Variants in AAMDC observed in about 807,000 individuals in gnomAD.
The protein encoded by AAMDC is adipogenesis associated Mth938 domain containing.
A neutral mutation model predicts 15.5 loss-of-function variants in AAMDC; 16 were observed. The observed-to-expected ratio is 1.03, with a 90% CI of 0.70 to 1.57. AAMDC has a LOEUF of 1.57. Among genes scored for constraint, AAMDC ranks in the 40% most tolerant of loss-of-function variants. The pLI, the probability that AAMDC is intolerant of heterozygous loss-of-function variation, is 0.00. For missense variants in AAMDC, 141 were observed against 144.9 expected, an observed-to-expected ratio of 0.97 and a Z score of 0.14; for synonymous variants, 51 against 51.6, an observed-to-expected ratio of 0.99 and a Z score of 0.05.
intron 1 of AAMDC, among the ~76,000 whole-genome samples, chr11:77,830,303 T>C (rs1334366065): frequency 6.6e-6 from 1 of 152,182 alleles, no homozygotes; most frequent in African/African-American, 2.4e-5. Flanking sequence ...GCAAACTGTT[T>C]ATCATGAATG....
In AAMDC at chr11:77,869,702, C is replaced by G; in HGVS notation, c.133-20C>G. The G allele has an allele frequency of 6.2e-7, 1 of 1,611,478 alleles. No individual in the cohort carries two copies. Among genetic ancestry groups the G allele is most frequent in the Non-Finnish European group, 8.5e-7 (1 of 1,177,872 alleles). ...AAGATTGAGAGCAGGTACCTGTCTA[C>G]TTTCTCTTTCCACATCCAGCATTCT... On this transcript the variant is annotated intron_variant, in intron 2 of 3. Transcript: ENST00000393427.
rs1050514691 is a variant in AAMDC, at chr11:77,897,305, A to G, written c.329-3266A>G. On this transcript the variant is annotated intron_variant, in intron 5 of 5. Coordinates refer to the AAMDC transcript ENST00000304716. ...GTTCAGGAGTTCAAGACTGGCCTGG[A>G]CAACGCAGTGAAACCATGTTTCTAT... Among the ~76,000 whole-genome samples the G allele has an allele frequency of 1.5e-4, 23 of 151,976 alleles. 2 individuals carry two copies. Among genetic ancestry groups the G allele is most frequent in the African/African-American group, 5.6e-4 (23 of 41,338 alleles).
chr11:77,864,951 T>C (rs985206690), intron 2 of AAMDC, among the ~76,000 whole-genome samples: 1 of 152,120 alleles, frequency 6.6e-6, no homozygotes, highest in Non-Finnish European at 1.5e-5. Context: ...CCCTCCAGCC[T>C]CAGTGACAGA....
At chr11:77,893,536 G>A (rs537613437) in intron 5 of AAMDC, among the ~76,000 whole-genome samples, 10 of 152,290 alleles carry the variant, frequency 6.6e-5, no homozygotes, top group African/African-American at 2.4e-4. Context: ...TTTAGCCCAC[G>A]AGTTCAAGGG....
chr11:77,838,244 C>A (rs1343691092), intron 1 of AAMDC, among the ~76,000 whole-genome samples: 1 of 140,934 alleles, frequency 7.1e-6, no homozygotes, highest in Non-Finnish European at 1.6e-5. Context: ...TATGTGTCAA[C>A]GTGGTAAGGT....
rs372498481 is a variant in AAMDC at position 77,842,502 on chromosome 11, T to G, written c.6T>G (p.Thr2=). The change falls in exon 2 of 4, where the codon ACT becomes ACG. Residue 2 remains threonine, a synonymous_variant. Coordinates refer to ENST00000393427, the MANE Select transcript of AAMDC (RefSeq NM_024684.4). ...AGACTTCAGTGAAGTTCCTTATGAC[T>G]TCCCCTGAAATTGCTTCCTTATCAT... is the stretch of plus-strand genomic sequence containing the variant. M[T]SPEIASLSWG... The G allele has an allele frequency of 3.7e-6, 6 of 1,613,680 alleles. No homozygotes were observed. The African/African-American group carries it at 8.0e-5, about 22-fold the overall frequency.
At chr11:77,830,341 T>A (rs985054148) in intron 1 of AAMDC, among the ~76,000 whole-genome samples, 1 of 152,168 alleles carries the variant, frequency 6.6e-6, no homozygotes, top group Non-Finnish European at 1.5e-5. Context: ...GATACTGCCC[T>A]GCCACCAAAA....
chr11:77,891,952 G>A (rs1952289055), intron 5 of AAMDC: 15 of 1,548,514 alleles, frequency 9.7e-6, no homozygotes, highest in Non-Finnish European at 1.2e-5. Context: ...GAAGTGAGAG[G>A]AGCTTGCAGT....
chr11:77,869,914 A>G, intron 3 of AAMDC, 97 bp downstream of exon 3: 3 of 1,150,732 alleles, frequency 2.6e-6, no homozygotes, highest in South Asian at 1.3e-5. Flanking sequence ...ATCTTTATAT[A>G]TCATGTACCC....
At chr11:77,846,916 T>C in intron 2 of AAMDC, among the ~76,000 whole-genome samples, 1 of 152,208 alleles carries the variant, frequency 6.6e-6, no homozygotes, top group East Asian at 1.9e-4. Context: ...GGAAGATTCA[T>C]ATTTGCTTCT....
At chr11:77,897,845 G>C (rs1252678843) in intron 5 of AAMDC, among the ~76,000 whole-genome samples, 1 of 151,794 alleles carries the variant, frequency 6.6e-6, no homozygotes, top group African/African-American at 2.4e-5. Context: ...GTCTTGTTCT[G>C]TTGCCCAAGT....
chr11:77,884,954 C>T (rs1951940017), intron 5 of AAMDC: 2 of 212,366 alleles, frequency 9.4e-6, no homozygotes, highest in Admixed American at 4.7e-5. Context: ...GAGACAAGAT[C>T]TTGCTATGTT....
Position 77,869,306 on chromosome 11 carries a change from C to CTCTTTTTTTTTTTTTTTTTT in AAMDC, c.133-415_133-414insCTTTTTTTTTTTTTTTTTTT, listed in dbSNP as rs1555014194. 2 of 120,372 alleles carry CTCTTTTTTTTTTTTTTTTTT rather than the reference C, an allele frequency of 1.7e-5. 1 individual carries two copies. The allele number at this position is 120,372 out of a possible 1,614,324, so 7.5% of individuals were successfully genotyped here. ...TTTCCCGGATTTCGTTTATTTATCT[C>CTCTTTTTTTTTTTTTTTTTT]TTTTTCTTTTTTTTTTTTTTTTTTT... On this transcript the variant is annotated intron_variant, in intron 2 of 3. Coordinates refer to ENST00000393427, the MANE Select transcript of AAMDC (RefSeq NM_024684.4).
Position 77,887,166 on chromosome 11 carries a change from A to C in AAMDC, c.328+10117A>C, listed in dbSNP as rs149277073. On this transcript the variant is annotated intron_variant, in intron 5 of 5. Transcript: ENST00000304716. ...AAAATTAATGAATCCACCACCAAAA[A>C]TCCTCAATAAAATACTGGCAAACCA... Among the ~76,000 whole-genome samples, 370 of 152,320 alleles carry C rather than the reference A, an allele frequency of 2.4e-3. 4 individuals are homozygous for C. Among genetic ancestry groups the C allele is most frequent in the African/African-American group, 8.6e-3 (356 of 41,554 alleles).
intron 1 of AAMDC, chr11:77,841,204 T>G (rs1018711694): frequency 7.0e-5 from 49 of 702,350 alleles, no homozygotes; most frequent in Non-Finnish European, 1.0e-4. Flanking sequence ...GGAACCCTCA[T>G]GGCCTAATCA....
chr11:77,867,966 G>C (rs1951194243), intron 2 of AAMDC, among the ~76,000 whole-genome samples: 1 of 151,938 alleles, frequency 6.6e-6, no homozygotes, highest in African/African-American at 2.4e-5. Flanking sequence ...AGCATGCTAT[G>C]CAAGTGCTTT....
intron 2 of AAMDC, among the ~76,000 whole-genome samples, chr11:77,862,455 G>A (rs544504503): frequency 4.6e-5 from 7 of 152,156 alleles, no homozygotes; most frequent in South Asian, 2.1e-4. Flanking sequence ...AAAAAGGTAC[G>A]TGTACTCTGG....
chr11:77,855,528 A>G, intron 2 of AAMDC: 1 of 161,926 alleles, frequency 6.2e-6, no homozygotes, highest in Non-Finnish European at 1.3e-5. Flanking sequence ...ACGGGGTGTC[A>G]CCGTGTTAGC....
intron 5 of AAMDC, among the ~76,000 whole-genome samples, chr11:77,892,946 G>A (rs1174680373): frequency 6.6e-6 from 1 of 152,208 alleles, no homozygotes; most frequent in Non-Finnish European, 1.5e-5. Flanking sequence ...TTACCTGCTG[G>A]TGAAGGTAGT....
Sources: allele counts gnomAD v4.1 joint callset (sites outside exome capture counted in the v4.1 genomes callset), GRCh38; gene constraint gnomAD v4.1.1; transcripts MANE v1.5; gene names NCBI Gene and HGNC (gene_info 2026-07-23, HGNC 2026-07-21).